Variants in ADD2 observed in about 807,000 individuals in gnomAD.
ADD2 encodes the protein beta-adducin.
In ADD2, 23 loss-of-function variants were observed where a neutral mutation model predicts 83.0. The ratio of observed to expected loss-of-function variants is 0.28; its 90% CI spans 0.20 to 0.39. The LOEUF is 0.39. Among genes scored for constraint, ADD2 ranks in the 10% least tolerant of loss-of-function variants. ADD2 has a pLI of 1.00. For missense variants in ADD2, 758 were observed against 944.9 expected, an observed-to-expected ratio of 0.80 and a Z score of 2.59; for synonymous variants, 375 against 375.4, an observed-to-expected ratio of 1.00 and a Z score of 0.01.
rs114865483 is a variant in ADD2 at position 70,684,267 on chromosome 2, T to C, written c.949-500A>G. Among the ~76,000 whole-genome samples, 371 of 152,288 alleles carry C rather than the reference T, an allele frequency of 2.4e-3. 2 individuals carry two copies. Among genetic ancestry groups the C allele is most frequent in the African/African-American group, 8.6e-3 (356 of 41,544 alleles). On this transcript the variant is annotated intron_variant, in intron 9 of 15. Transcript: ENST00000264436. ...ATCTCCTATTTTTTTTTATTTTTAT[T>C]TTGAGACAGTGTCTCTGTTGCCCAG... is the stretch of plus-strand genomic sequence containing the variant.
intron 3 of ADD2, among the ~76,000 whole-genome samples, chr2:70,705,247 C>T (rs1671823390): frequency 1.3e-5 from 2 of 152,148 alleles, no homozygotes; most frequent in South Asian, 4.1e-4. Context: ...CATATTCCTC[C>T]CAGCTCCCCA....
intron 6 of ADD2, 135 bp downstream of exon 6, chr2:70,695,586 T>G: frequency 1.3e-6 from 1 of 749,158 alleles, no homozygotes; most frequent in Non-Finnish European, 2.3e-6. Flanking sequence ...TTGTTCCATG[T>G]GTCTTCTCTG....
At chr2:70,752,223 A>G (rs147393146) in intron 1 of ADD2, among the ~76,000 whole-genome samples, 15 of 152,300 alleles carry the variant, frequency 9.8e-5, no homozygotes, top group African/African-American at 3.6e-4. Flanking sequence ...AGGGAGAAAA[A>G]TAAACCAAGA....
chr2:70,737,791 C>A (rs1184855206), intron 1 of ADD2, among the ~76,000 whole-genome samples: 1 of 152,196 alleles, frequency 6.6e-6, no homozygotes, highest in East Asian at 1.9e-4. Context: ...CCAAGTCCCC[C>A]TGTTCTGATT....
At position 70,706,111 on chromosome 2, in the gene ADD2, C is replaced by A; in HGVS notation, c.183+115G>T. The stretch of plus-strand genomic sequence containing the variant: ...AGATCCGTCTTGCTCAGTGGGCTTA[C>A]ATTTCTACTGACCCTGAGCAAGGGA... On this transcript the variant is annotated intron_variant, in intron 3 of 15. Coordinates refer to ENST00000264436, the MANE Select transcript of ADD2 (RefSeq NM_001617.4). The surrounding 1 kb of genome is among the most constrained non-coding windows in gnomAD (Gnocchi z 5.0). 1 of 1,140,442 alleles carries A rather than the reference C, an allele frequency of 8.8e-7. No homozygotes were observed. The allele number at this position is 1,140,442 out of a possible 1,614,324, so 70.6% of individuals were successfully genotyped here. A position where few individuals can be genotyped will look rare whatever the true frequency, so the allele number is the denominator to read the frequency against.
At position 70,706,376 on chromosome 2, in the gene ADD2, C is replaced by T; in HGVS notation, c.33G>A (p.Ser11=). 4 of 1,610,696 alleles carry T rather than the reference C, an allele frequency of 2.5e-6. No homozygotes were observed. The highest frequency in any genetic ancestry group is 3.4e-6 in the Non-Finnish European group (4 of 1,178,394). MSEETVPEAA[S]PPPPQGQPYF... is the part of the protein sequence containing the mutation. ...AAGGCTGCCCCTGCGGGGGCGGCGG[C>T]GAGGCAGCCTCGGGGACCGTCTCTT... The change falls in exon 3 of 16, where the codon TCG becomes TCA. Residue 11 remains serine (S), a synonymous_variant. Coordinates refer to ENST00000264436, the MANE Select transcript of ADD2 (RefSeq NM_001617.4). This position sits in a 1 kb window ranked among gnomAD's most constrained non-coding sequence, Gnocchi z 5.0.
chr2:70,667,864 CA>C (rs1669714342), intron 15 of ADD2, among the ~76,000 whole-genome samples: 1 of 152,126 alleles, frequency 6.6e-6, no homozygotes, highest in Admixed American at 6.5e-5. Flanking sequence ...GGCGATCCAC[CA>C]GCCTCAGCCT....
intron 15 of ADD2, among the ~76,000 whole-genome samples, chr2:70,664,953 C>T (rs1553365875): frequency 6.6e-6 from 1 of 151,560 alleles, no homozygotes; most frequent in African/African-American, 2.4e-5. Flanking sequence ...TGTGTGAGTG[C>T]ACATGAGCAT....
At chr2:70,765,452 T>C (rs1387390936) in intron 1 of ADD2, among the ~76,000 whole-genome samples, 5 of 152,276 alleles carry the variant, frequency 3.3e-5, no homozygotes, top group African/African-American at 1.2e-4. Context: ...ATAGCTGTTA[T>C]CACAATTTGT....
chr2:70,733,958 C>T (rs1181827022), intron 1 of ADD2, among the ~76,000 whole-genome samples: 2 of 152,176 alleles, frequency 1.3e-5, no homozygotes, highest in African/African-American at 4.8e-5. Flanking sequence ...TCTCTGTTGT[C>T]AAGGAAACCA....
At position 70,678,082 on chromosome 2, in the gene ADD2, C is replaced by A. The variant is rs1257381851; in HGVS notation, c.1384-205G>T. 2.0e-5 allele frequency among the ~76,000 whole-genome samples: 3 copies of A among 152,242 alleles called. No homozygotes were observed. In the East Asian group the frequency reaches 5.8e-4, roughly 29 times the overall value. ...AGATGACCCAGTTACCAATGAAGGC[C>A]CTCAGGCCAAAGGTCGGCTATAAAG... On this transcript the variant is annotated intron_variant, in intron 11 of 15. Coordinates refer to ENST00000264436, the MANE Select transcript of ADD2 (RefSeq NM_001617.4).
At chr2:70,704,264 C>CCGCCCCCCCCCCCCCCCCCCCCCAA in intron 4 of ADD2, 57 bp downstream of exon 4, 1 of 425,204 alleles carries the variant, frequency 2.4e-6, no homozygotes, top group Non-Finnish European at 4.8e-6. Flanking sequence ...TCCCTCTCTT[C>CCGCCCCCCCCCCCCCCCCCCCCCAA]CCCACCCCAC....
At chr2:70,705,570 G>A (rs191084063) in intron 3 of ADD2, among the ~76,000 whole-genome samples, 11 of 152,312 alleles carry the variant, frequency 7.2e-5, no homozygotes, top group Middle Eastern at 3.4e-3. Flanking sequence ...TGCCTTCAGT[G>A]GTCCACAGGG....
chr2:70,678,842 C>G lies in ADD2; in HGVS notation c.1245G>C (p.Pro415=). 6.2e-7 allele frequency: 1 copy of G among 1,614,164 alleles called. No individual in the cohort carries two copies. The highest frequency in any genetic ancestry group is 8.5e-7 in the Non-Finnish European group (1 of 1,180,028). The part of the protein sequence containing the change: ...TAFVFEEDGA[P]VPALRQHAQK... The stretch of plus-strand genomic sequence containing the variant: ...GGGCATGCTGTCGCAGGGCGGGCAC[C>G]GGGGCACCGTCCTCCTCAAACACGA... The change falls in exon 11 of 16, where the codon CCG becomes CCC. Residue 415 remains proline, a synonymous_variant. Coordinates refer to ENST00000264436, the MANE Select transcript of ADD2 (RefSeq NM_001617.4).
chr2:70,670,927 C>T (rs1251362017), intron 15 of ADD2, among the ~76,000 whole-genome samples: 7 of 152,186 alleles, frequency 4.6e-5, no homozygotes, highest in South Asian at 2.1e-4. Context: ...ACAACTCAAC[C>T]GTGGGCCCCT....
At chr2:70,693,257 G>A (rs1294694977) in intron 6 of ADD2, among the ~76,000 whole-genome samples, 3 of 152,022 alleles carry the variant, frequency 2.0e-5, no homozygotes, top group Admixed American at 6.6e-5. Flanking sequence ...CTCCCAGTAC[G>A]CTCTCACTGA....
At chr2:70,735,858 C>CTTTTTTTT (rs374727628) in intron 1 of ADD2, among the ~76,000 whole-genome samples, 2 of 72,506 alleles carry the variant, frequency 2.8e-5, no homozygotes, top group Non-Finnish European at 2.2e-5. Context: ...CCATGCCCGG[C>CTTTTTTTT]TTTTTTTTTT....
chr2:70,743,534 T>A (rs1427375258), intron 1 of ADD2, among the ~76,000 whole-genome samples: 9 of 152,148 alleles, frequency 5.9e-5, no homozygotes, highest in African/African-American at 2.2e-4. Flanking sequence ...CACTTAACAG[T>A]GGGAGAAGAA....
intron 8 of ADD2, among the ~76,000 whole-genome samples, chr2:70,690,102 A>ATT (rs59520375): frequency 9.7e-4 from 145 of 148,770 alleles, no homozygotes; most frequent in Non-Finnish European, 1.0e-3. Flanking sequence ...GAAAAAAAAA[A>ATT]TTTTTTTTTT....
Sources: allele counts gnomAD v4.1 joint callset (sites outside exome capture counted in the v4.1 genomes callset), GRCh38; gene constraint gnomAD v4.1.1; non-coding constraint Gnocchi (gnomAD v3.1); transcripts MANE v1.5; gene names NCBI Gene and HGNC (gene_info 2026-07-23, HGNC 2026-07-21).